ELOVL7: variants seen among roughly 807,000 people sequenced by gnomAD.
ELOVL7 encodes ELOVL fatty acid elongase 7, also known as very long chain fatty acid elongase 7.
In ELOVL7, 27 loss-of-function variants were observed where a neutral mutation model predicts 35.7. That is an observed-to-expected ratio of 0.76 (90% CI 0.56 to 1.04). The LOEUF (loss-of-function observed/expected upper bound fraction) is 1.04, where lower values mean the gene tolerates loss of function less well. Among genes scored for constraint, ELOVL7 ranks in the 50% least tolerant of loss-of-function variants. The pLI is 0.00. For missense variants in ELOVL7, 327 were observed against 340.8 expected (o/e 0.96, Z 0.32); for synonymous variants, 113 against 114.6 (o/e 0.99, Z 0.09).
At chr5:60,803,211 C>T (rs1038650404) in intron 1 of ELOVL7, among the ~76,000 whole-genome samples, 19 of 152,292 alleles carry the variant, frequency 1.2e-4, no homozygotes, top group South Asian at 4.2e-4. Context: ...TTATATTTAC[C>T]ATTCCATCCC....
intron 1 of ELOVL7, among the ~76,000 whole-genome samples, chr5:60,811,262 T>C (rs1745223030): frequency 6.6e-6 from 1 of 152,168 alleles, no homozygotes; most frequent in Non-Finnish European, 1.5e-5. Context: ...ATATAGTATG[T>C]GTGTGTTTAT....
At chr5:60,811,887 C>T (rs890912046) in intron 1 of ELOVL7, among the ~76,000 whole-genome samples, 3 of 152,176 alleles carry the variant, frequency 2.0e-5, no homozygotes, top group Non-Finnish European at 4.4e-5. Flanking sequence ...TAATCTCAAT[C>T]TTAATCTAAG....
Position 60,839,991 on chromosome 5 carries a change from C to A in ELOVL7, c.-86+4169G>T, listed in dbSNP as rs529476336. Among the ~76,000 whole-genome samples, 43 of 151,990 alleles carry A rather than the reference C, an allele frequency of 2.8e-4. 1 individual carries two copies. In the South Asian group the frequency reaches 8.8e-3, roughly 31 times the overall value. ...CTCCCGCCTGGGTGACAGAGAGAGACCCTGTCTCGGGGGGAGAAAAGAGCA... is the reference window on the plus strand; with the variant it reads ...CTCCCGCCTGGGTGACAGAGAGAGAACCTGTCTCGGGGGGAGAAAAGAGCA... On this transcript the variant is annotated intron_variant, in intron 1 of 8. Coordinates refer to ENST00000508821, the MANE Select transcript of ELOVL7 (RefSeq NM_024930.3).
intron 6 of ELOVL7, among the ~76,000 whole-genome samples, chr5:60,765,559 C>T (rs1742184943): frequency 6.6e-6 from 1 of 152,104 alleles, no homozygotes; most frequent in Non-Finnish European, 1.5e-5. Flanking sequence ...AACATGGTCC[C>T]TGGACCAATA....
intron 1 of ELOVL7, among the ~76,000 whole-genome samples, chr5:60,807,898 C>T (rs551442498): frequency 7.4e-6 from 1 of 134,654 alleles, no homozygotes; most frequent in South Asian, 2.5e-4. Context: ...ACTTGGGAGG[C>T]TGTGGCAGGA....
At chr5:60,771,771 T>A (rs1362976184) in intron 4 of ELOVL7, 132 bp downstream of exon 4, 3 of 629,470 alleles carry the variant, frequency 4.8e-6, no homozygotes, top group Non-Finnish European at 8.0e-6. Context: ...TTTTGGCAAA[T>A]ACCTGCTCTA....
intron 3 of ELOVL7, chr5:60,784,354 G>A (rs898622): frequency 0.093 from 38,636 of 417,312 alleles, 2,370 homozygotes; most frequent in Non-Finnish European, 0.12. Flanking sequence ...CTAATCAAAC[G>A]CAAGGAAAGC....
chr5:60,802,117 T>TACACAC lies in ELOVL7; in HGVS notation c.-85-2893_-85-2888dup, dbSNP rs34511373. Among the ~76,000 whole-genome samples the TACACAC allele has an allele frequency of 8.9e-3, 107 of 12,050 alleles. 2 individuals carry two copies. Among genetic ancestry groups the TACACAC allele is most frequent in the African/African-American group, 0.021 (101 of 4,894 alleles). The allele number at this position is 12,050 out of a possible 152,430, so 7.9% of individuals were successfully genotyped here. A position where few individuals can be genotyped will look rare whatever the true frequency, so the allele number is the denominator to read the frequency against. The stretch of plus-strand genomic sequence containing the variant: ...ATATATATATATATATATATATATA[T>TACACAC]ACACACACACACACACACATATATC... On this transcript the variant is annotated intron_variant, in intron 1 of 8. Transcript: ENST00000508821.
At chr5:60,784,850 G>GA (rs536419551) in intron 3 of ELOVL7, among the ~76,000 whole-genome samples, 3 of 152,014 alleles carry the variant, frequency 2.0e-5, no homozygotes, top group Admixed American at 6.6e-5. Flanking sequence ...CCATGCCTGG[G>GA]AAAAAAATTA....
intron 2 of ELOVL7, among the ~76,000 whole-genome samples, chr5:60,791,664 A>T (rs1168828536): frequency 6.6e-6 from 1 of 152,200 alleles, no homozygotes; most frequent in Non-Finnish European, 1.5e-5. Flanking sequence ...AGCATATAAC[A>T]GATTGTATGA....
Position 60,797,188 on chromosome 5 carries a change from A to G in ELOVL7, c.-35+1992T>C, listed in dbSNP as rs150948582. Among the ~76,000 whole-genome samples, 34 of 152,322 alleles carry G rather than the reference A, an allele frequency of 2.2e-4. 1 individual carries two copies. The highest frequency in any genetic ancestry group is 7.9e-4 in the African/African-American group (33 of 41,566). ...TTCAAATTTGCTAATTATAACACAT[A>G]CGCATGTGTGTATGCGGCAATATAT... On this transcript the variant is annotated intron_variant, in intron 2 of 8. Coordinates refer to ENST00000508821, the MANE Select transcript of ELOVL7 (RefSeq NM_024930.3).
intron 3 of ELOVL7, chr5:60,784,325 G>A: frequency 2.3e-6 from 1 of 438,456 alleles, no homozygotes; most frequent in Non-Finnish European, 4.1e-6. Flanking sequence ...TCATGACTAA[G>A]TCTGAAAAGT....
At chr5:60,819,658 C>T (rs927577300) in intron 1 of ELOVL7, among the ~76,000 whole-genome samples, 1 of 152,200 alleles carries the variant, frequency 6.6e-6, no homozygotes. Context: ...GGCAGGCGGG[C>T]GCCTGTAATC....
intron 2 of ELOVL7, among the ~76,000 whole-genome samples, chr5:60,795,553 T>C (rs2112266258): frequency 6.6e-6 from 1 of 152,168 alleles, no homozygotes; most frequent in Non-Finnish European, 1.5e-5. Flanking sequence ...CTCTATTAAA[T>C]CTTGCAACTG....
intron 4 of ELOVL7, 70 bp from the exon 5 acceptor site, chr5:60,767,973 A>T: frequency 8.4e-7 from 1 of 1,190,810 alleles, no homozygotes; most frequent in South Asian, 1.2e-5. Flanking sequence ...GGTAGTTTTG[A>T]TAGTGTCTCT....
chr5:60,836,400 G>C (rs1180283883), intron 1 of ELOVL7, among the ~76,000 whole-genome samples: 2 of 152,030 alleles, frequency 1.3e-5, no homozygotes, highest in Non-Finnish European at 2.9e-5. Flanking sequence ...CACACACGAA[G>C]AAGAGGATGA....
At chr5:60,839,033 T>A (rs535994747) in intron 1 of ELOVL7, among the ~76,000 whole-genome samples, 1,883 of 148,986 alleles carry the variant, frequency 0.013, 46 homozygotes, top group African/African-American at 0.044. Context: ...AAAAAAAATA[T>A]ATATATATAT....
chr5:60,766,511 C>A, intron 6 of ELOVL7, 63 bp downstream of exon 6: 1 of 1,410,788 alleles, frequency 7.1e-7, no homozygotes, highest in African/African-American at 1.4e-5. Flanking sequence ...ACTGAAAGAT[C>A]AAACATTTAA....
At chr5:60,773,998 G>A (rs1426017794) in intron 3 of ELOVL7, among the ~76,000 whole-genome samples, 2 of 152,188 alleles carry the variant, frequency 1.3e-5, no homozygotes, top group East Asian at 3.9e-4. Flanking sequence ...CTAATGTTCT[G>A]TGGAACACTA....
Sources: allele counts gnomAD v4.1 joint callset (sites outside exome capture counted in the v4.1 genomes callset), GRCh38; gene constraint gnomAD v4.1.1; transcripts MANE v1.5; gene names NCBI Gene and HGNC (gene_info 2026-07-23, HGNC 2026-07-21).